ADGRG7: variants seen among roughly 807,000 people sequenced by gnomAD.
The protein encoded by ADGRG7 is G-protein coupled receptor 128.
A neutral mutation model predicts 88.6 loss-of-function variants in ADGRG7; 82 were observed. The observed-to-expected ratio is 0.93, with a 90% CI of 0.77 to 1.11. The LOEUF (loss-of-function observed/expected upper bound fraction) is 1.11. Ranked by LOEUF, ADGRG7 falls within the 50% of genes most tolerant of loss-of-function variation. ADGRG7 has a pLI of 0.00. For missense variants in ADGRG7, 945 were observed against 953.4 expected, an observed-to-expected ratio of 0.99 and a Z score of 0.12; for synonymous variants, 381 against 345.2, an observed-to-expected ratio of 1.10 and a Z score of -1.15.
chr3:100,665,742 T>C (rs2094950916), intron 14 of ADGRG7, among the ~76,000 whole-genome samples: 1 of 152,236 alleles, frequency 6.6e-6, no homozygotes, highest in Non-Finnish European at 1.5e-5. Context: ...CTTCTTTGCC[T>C]AATTGCAAAT....
rs148403645 is a variant in ADGRG7, at chr3:100,625,268, A to T, written c.116-4330A>T. Among the ~76,000 whole-genome samples the T allele has an allele frequency of 1.7e-3, 257 of 152,260 alleles. 1 individual carries two copies. The highest frequency in any genetic ancestry group is 5.8e-3 in the African/African-American group (242 of 41,534). On this transcript the variant is annotated intron_variant, in intron 1 of 15. Coordinates refer to ENST00000273352, the MANE Select transcript of ADGRG7 (RefSeq NM_032787.3). ...GTTCTTCACATCTCTTGTTAGCTGT[A>T]TTCCTAGGTATTTTATTCTCTTTGT...
chr3:100,649,708 A>T lies in ADGRG7; in HGVS notation c.1280A>T (p.Asp427Val). The change falls in exon 11 of 16, where the codon GAT becomes GTT. Residue 427 changes from aspartate to valine, a missense_variant. Physicochemically the swap from Asp to Val is radical, Grantham distance 152. Coordinates refer to ENST00000273352, the MANE Select transcript of ADGRG7 (RefSeq NM_032787.3). The part of the protein sequence containing the change: ...NFAVLMTFKK[D>V]YQYPKSLDIL... Reference sequence around the variant, plus strand: ...CTTGTTTTTCAGACTTTCAAAAAGGATTATCAATATCCCAAATCACTTGAC... The same window carrying T: ...CTTGTTTTTCAGACTTTCAAAAAGGTTTATCAATATCCCAAATCACTTGAC... The T allele has an allele frequency of 6.3e-7, 1 of 1,593,718 alleles. No homozygotes were observed. The highest frequency in any genetic ancestry group is 8.6e-7 in the Non-Finnish European group (1 of 1,162,714).
Position 100,629,627 on chromosome 3 carries a change from A to G in ADGRG7, c.145A>G (p.Thr49Ala), listed in dbSNP as rs147419541. Residue 49 changes from threonine (T) to alanine (A), a missense_variant, in exon 2 of 16, where the codon ACA becomes GCA. Transcript: ENST00000273352. ...ATCTACTTCCTCATCAAGCACCCCTACAGAGTTCTGCAGGAATGGTGGAAC... is the reference window on the plus strand; with the variant it reads ...ATCTACTTCCTCATCAAGCACCCCTGCAGAGTTCTGCAGGAATGGTGGAAC... ...GKSTSSSSTP[T>A]EFCRNGGTWE... is the part of the protein sequence containing the mutation. 15 of 1,612,664 alleles carry G rather than the reference A, an allele frequency of 9.3e-6. No homozygotes were observed. In the African/African-American group the frequency reaches 1.5e-4, roughly 16 times the overall value.
intron 15 of ADGRG7, among the ~76,000 whole-genome samples, chr3:100,678,473 T>C (rs2149038848): frequency 6.6e-6 from 1 of 152,262 alleles, no homozygotes; most frequent in East Asian, 1.9e-4. Flanking sequence ...GAGGCCATAT[T>C]TTTCTGGATG....
chr3:100,635,018 C>CAT (rs1707513279), intron 4 of ADGRG7, among the ~76,000 whole-genome samples: 1 of 151,620 alleles, frequency 6.6e-6, no homozygotes, highest in Non-Finnish European at 1.5e-5. Context: ...CACACACACA[C>CAT]ACACACACAC....
At chr3:100,637,092 C>T (rs1361411368) in intron 5 of ADGRG7, among the ~76,000 whole-genome samples, 2 of 152,264 alleles carry the variant, frequency 1.3e-5, no homozygotes, top group East Asian at 3.9e-4. Flanking sequence ...TAATTCACTA[C>T]CTTAATTTAT....
At chr3:100,683,440 T>C (rs567228432) in intron 15 of ADGRG7, among the ~76,000 whole-genome samples, 72 of 152,328 alleles carry the variant, frequency 4.7e-4, no homozygotes, top group Non-Finnish European at 6.9e-4. Flanking sequence ...CCCGGTTCCC[T>C]GGTGTTAGCC....
At chr3:100,632,275 A>T (rs1444876163) in intron 3 of ADGRG7, among the ~76,000 whole-genome samples, 1 of 152,048 alleles carries the variant, frequency 6.6e-6, no homozygotes, top group Non-Finnish European at 1.5e-5. Flanking sequence ...TTTTCTGAAC[A>T]CCTATTATAA....
chr3:100,645,061 A>T (rs539699109), intron 8 of ADGRG7, among the ~76,000 whole-genome samples: 1 of 152,358 alleles, frequency 6.6e-6, no homozygotes, highest in South Asian at 2.1e-4. Context: ...AGATGACTGA[A>T]TACTCTGGTC....
chr3:100,672,954 T>C (rs1228529143), intron 15 of ADGRG7, among the ~76,000 whole-genome samples: 1 of 152,192 alleles, frequency 6.6e-6, no homozygotes, highest in Non-Finnish European at 1.5e-5. Context: ...CTGGATTCAG[T>C]TTGCCAGTAT....
At chr3:100,671,293 A>G (rs960226605) in intron 15 of ADGRG7, among the ~76,000 whole-genome samples, 1 of 152,122 alleles carries the variant, frequency 6.6e-6, no homozygotes, top group African/African-American at 2.4e-5. Flanking sequence ...GCATTTCTCT[A>G]ATGACCAGTG....
intron 2 of ADGRG7, 72 bp from the exon 3 acceptor site, chr3:100,630,633 C>A: frequency 1.5e-6 from 1 of 664,502 alleles, no homozygotes; most frequent in Non-Finnish European, 2.2e-6. Flanking sequence ...AGGTTCTGAC[C>A]TTTGACTTTT....
chr3:100,614,979 C>A (rs1707203718), intron 1 of ADGRG7, among the ~76,000 whole-genome samples: 1 of 152,056 alleles, frequency 6.6e-6, no homozygotes, highest in African/African-American at 2.4e-5. Flanking sequence ...TTATTATTAT[C>A]ATACTGATGT....
At chr3:100,648,413 T>C (rs1145341) in intron 10 of ADGRG7, among the ~76,000 whole-genome samples, 135,923 of 152,200 alleles carry the variant, frequency 0.89, 62,575 homozygotes, top group East Asian at 1. Context: ...GTACACTACG[T>C]ATAAGAAATA....
At chr3:100,679,297 A>G (rs1443032972) in intron 15 of ADGRG7, among the ~76,000 whole-genome samples, 15 of 152,198 alleles carry the variant, frequency 9.9e-5, no homozygotes, top group Admixed American at 9.8e-4. Context: ...GTTCACTCAA[A>G]GCCCAAAGGC....
intron 13 of ADGRG7, among the ~76,000 whole-genome samples, chr3:100,658,284 T>C (rs1422490028): frequency 6.6e-6 from 1 of 152,238 alleles, no homozygotes; most frequent in African/African-American, 2.4e-5. Flanking sequence ...AAACTATCCA[T>C]ATTATTGCAA....
At chr3:100,681,992 A>T (rs2094974050) in intron 15 of ADGRG7, among the ~76,000 whole-genome samples, 2 of 152,204 alleles carry the variant, frequency 1.3e-5, no homozygotes, top group Non-Finnish European at 2.9e-5. Flanking sequence ...GAGAATTTTC[A>T]GTTTTGGTAT....
At chr3:100,689,332 A>G (rs1019035659) in intron 15 of ADGRG7, among the ~76,000 whole-genome samples, 4 of 152,064 alleles carry the variant, frequency 2.6e-5, no homozygotes, top group African/African-American at 9.7e-5. Context: ...TCTTTATCCA[A>G]TTTGCCAGTC....
At chr3:100,692,793 C>T (rs1358999926) in intron 15 of ADGRG7, among the ~76,000 whole-genome samples, 1 of 152,094 alleles carries the variant, frequency 6.6e-6, no homozygotes, top group African/African-American at 2.4e-5. Flanking sequence ...TACATCAGAA[C>T]TTACATAGTA....
Sources: gnomAD v4.1 joint callset for allele counts (sites outside exome capture counted in the v4.1 genomes callset) on GRCh38, gnomAD v4.1.1 for gene constraint, MANE v1.5 for transcripts, NCBI Gene and HGNC (gene_info 2026-07-23, HGNC 2026-07-21) for gene names.